GET1: variants seen among roughly 807,000 people sequenced by gnomAD.
The protein encoded by GET1 is guided entry of tail-anchored proteins factor 1.
Under a neutral mutation model 22.6 loss-of-function variants are expected in GET1, and 20 were observed. The ratio of observed to expected loss-of-function variants is 0.89; its 90% CI spans 0.62 to 1.29. The LOEUF (loss-of-function observed/expected upper bound fraction) is 1.29. Among genes scored for constraint, GET1 ranks in the 50% most tolerant of loss-of-function variants. The probability of loss-of-function intolerance (pLI) is 0.00; values close to 1 mark genes in which losing one functional copy is unlikely to be tolerated. For missense variants in GET1, 209 were observed against 219.9 expected, an observed-to-expected ratio of 0.95 and a Z score of 0.31; for synonymous variants, 92 against 83.8, an observed-to-expected ratio of 1.10 and a Z score of -0.53.
chr21:39,420,633 A>G (rs1024255844), intron 1 of GET1: 59 of 1,343,396 alleles, frequency 4.4e-5, no homozygotes, highest in Non-Finnish European at 6.1e-5. Flanking sequence ...ACTTAAAGAT[A>G]TAATAGACAT....
At position 39,423,392 on chromosome 21, in the gene GET1, G is replaced by A. The variant is rs188824462; in HGVS notation, c.*24-4840G>A. 29 of 1,610,968 alleles carry A rather than the reference G, an allele frequency of 1.8e-5. No homozygotes were observed. The Middle Eastern group carries it at 4.9e-4, about 27-fold the overall frequency. ...TGAAGCCTTGCTGAGAGTATTCGAT[G>A]AGCCATAGCATCTCTTCTTTGGGCA... On this transcript the variant is annotated intron_variant, in intron 1 of 1. Transcript: ENST00000478273.
chr21:39,388,509 G>A (rs2038078125), intron 1 of GET1, among the ~76,000 whole-genome samples: 1 of 152,306 alleles, frequency 6.6e-6, no homozygotes, highest in Admixed American at 6.5e-5. Flanking sequence ...GCTGTCATTT[G>A]TGGGTGTCAG....
At chr21:39,410,292 T>G (rs959633672), downstream of GET1, 4 of 1,609,448 alleles carry the variant, frequency 2.5e-6, 1 homozygote, top group Admixed American at 5.1e-5. Context: ...AACATCTGAT[T>G]TTTGGGTTCC....
At chr21:39,410,764 GAC>G, downstream of GET1, 1 of 463,710 alleles carries the variant, frequency 2.2e-6, no homozygotes, top group Non-Finnish European at 4.4e-6. Flanking sequence ...ACTAAATCTA[GAC>G]TGCACTTTCC....
At chr21:39,405,022 AG>A (rs1266427310) in intron 4 of GET1, among the ~76,000 whole-genome samples, 2 of 151,838 alleles carry the variant, frequency 1.3e-5, no homozygotes, top group African/African-American at 2.4e-5. Context: ...TAGTAGAGAC[AG>A]GGTTTCACCA....
rs1341489035 is a variant in GET1, at chr21:39,414,742, C to CTCTGTGTGTG, written c.*23+3806_*23+3807insCTGTGTGTGT. Among the ~76,000 whole-genome samples, 81 of 99,236 alleles carry CTCTGTGTGTG rather than the reference C, an allele frequency of 8.2e-4. 1 individual carries two copies. Among genetic ancestry groups the CTCTGTGTGTG allele is most frequent in the African/African-American group, 2.6e-3 (60 of 22,742 alleles). The allele number at this position is 99,236 out of a possible 152,430, so 65.1% of individuals were successfully genotyped here. A position where few individuals can be genotyped will look rare whatever the true frequency, so the allele number is the denominator to read the frequency against. ...TCTCTCTCTCTCTCTCTCTCTCTCT[C>CTCTGTGTGTG]TGTGTGTGTGTGTGTGTGTGTGTGT... On this transcript the variant is annotated intron_variant, in intron 1 of 1. Coordinates refer to the GET1 transcript ENST00000478273.
chr21:39,392,626 G>A (rs1054724282), intron 3 of GET1, among the ~76,000 whole-genome samples: 5 of 152,174 alleles, frequency 3.3e-5, no homozygotes, highest in Non-Finnish European at 7.3e-5. Flanking sequence ...GCTGTGGGGG[G>A]ATGGAGGGAA....
At chr21:39,418,908 T>G (rs534719129) in intron 1 of GET1, among the ~76,000 whole-genome samples, 4 of 152,316 alleles carry the variant, frequency 2.6e-5, no homozygotes, top group East Asian at 1.9e-4. Context: ...GTGTGTGTGT[T>G]TGCTGTGACC....
chr21:39,410,290 A>C, downstream of GET1: 1 of 1,609,252 alleles, frequency 6.2e-7, no homozygotes, highest in Middle Eastern at 1.7e-4. Flanking sequence ...GGAACATCTG[A>C]TTTTTGGGTT....
downstream of GET1, among the ~76,000 whole-genome samples, chr21:39,402,327 A>G (rs1204797896): frequency 6.6e-6 from 1 of 151,916 alleles, no homozygotes; most frequent in Non-Finnish European, 1.5e-5. Context: ...CTGATCTCGA[A>G]CTCCTGGCCT....
exon 2 of GET1, chr21:39,428,331 G>A (rs1256793667): frequency 1.9e-6 from 3 of 1,613,402 alleles, no homozygotes; most frequent in Admixed American, 1.7e-5. Context: ...CAGGAGCACT[G>A]AGATCTGCTA....
In GET1 at chr21:39,390,913, G is replaced by A. The variant is rs1331461875; in HGVS notation, c.268+50G>A. On this transcript the variant is annotated intron_variant, in intron 2 of 4. Transcript: ENST00000649170. ...GGCTTCATGAGAGCGGATGAATAGA[G>A]AAGTCTGTATGTGAAGATTAGTAGA... 4.4e-6 allele frequency: 7 copies of A among 1,599,652 alleles called. No homozygotes were observed. In the African/African-American group the frequency reaches 8.0e-5, roughly 18 times the overall value.
At chr21:39,405,405 G>T (rs1050498731) in intron 4 of GET1, among the ~76,000 whole-genome samples, 1 of 152,098 alleles carries the variant, frequency 6.6e-6, no homozygotes, top group Non-Finnish European at 1.5e-5. Flanking sequence ...TGTTGGCCAG[G>T]CTGGTCTTAA....
chr21:39,412,772 G>A (rs1419008791), intron 1 of GET1, among the ~76,000 whole-genome samples: 1 of 152,192 alleles, frequency 6.6e-6, no homozygotes, highest in East Asian at 1.9e-4. Flanking sequence ...AAAATTGCAA[G>A]CCCCTTAAAA....
chr21:39,410,418 A>C, downstream of GET1: 1 of 944,528 alleles, frequency 1.1e-6, no homozygotes, highest in Non-Finnish European at 1.6e-6. Context: ...ATTTGGATAC[A>C]ATATTGATTT....
intron 1 of GET1, among the ~76,000 whole-genome samples, chr21:39,413,685 T>C (rs2040502730): frequency 6.6e-6 from 1 of 152,212 alleles, no homozygotes; most frequent in Admixed American, 6.5e-5. Flanking sequence ...ATGCTGACAG[T>C]TCATCACCAT....
intron 1 of GET1, among the ~76,000 whole-genome samples, chr21:39,390,426 G>A (rs2038223118): frequency 6.6e-6 from 1 of 152,204 alleles, no homozygotes; most frequent in African/African-American, 2.4e-5. Flanking sequence ...GGTATGGAGT[G>A]TATGTGGGAG....
intron 1 of GET1, among the ~76,000 whole-genome samples, chr21:39,417,968 G>A (rs202048687): frequency 1.2e-4 from 18 of 152,174 alleles, no homozygotes; most frequent in African/African-American, 3.1e-4. Flanking sequence ...GGGTTTCGCC[G>A]TGTTTGCCAG....
At chr21:39,424,868 G>T (rs999161936) in intron 1 of GET1, among the ~76,000 whole-genome samples, 10 of 152,148 alleles carry the variant, frequency 6.6e-5, no homozygotes, top group Non-Finnish European at 1.3e-4. Flanking sequence ...TTGAATTTGA[G>T]TATGTTAAAT....
Sources: gnomAD v4.1 joint callset for allele counts (sites outside exome capture counted in the v4.1 genomes callset) on GRCh38, gnomAD v4.1.1 for gene constraint, MANE v1.5 for transcripts, NCBI Gene and HGNC (gene_info 2026-07-23, HGNC 2026-07-21) for gene names.